Variants in PCDHA13 observed in about 807,000 individuals in gnomAD.
PCDHA13 encodes the protein protocadherin alpha 13, also known as protocadherin alpha-13.
PCDHA13 carries 54 observed loss-of-function variants against 64.8 expected under a neutral mutation model. The ratio of observed to expected loss-of-function variants is 0.83; its 90% CI spans 0.67 to 1.04. The LOEUF is 1.04. Among genes scored for constraint, PCDHA13 ranks in the 50% least tolerant of loss-of-function variants. The pLI, the probability that PCDHA13 is intolerant of heterozygous loss-of-function variation, is 0.00. For missense variants in PCDHA13, 1,248 were observed against 1,254.3 expected, an observed-to-expected ratio of 0.99 and a Z score of 0.08; for synonymous variants, 587 against 564.4, an observed-to-expected ratio of 1.04 and a Z score of -0.57.
intron 1 of PCDHA13, among the ~76,000 whole-genome samples, chr5:140,907,353 A>C (rs1312030991): frequency 3.3e-5 from 5 of 152,234 alleles, no homozygotes; most frequent in Non-Finnish European, 7.3e-5. Flanking sequence ...CCGCTGCTGC[A>C]CTTCTTTAGT....
chr5:140,896,721 T>C (rs774174943), intron 1 of PCDHA13, among the ~76,000 whole-genome samples: 1 of 152,176 alleles, frequency 6.6e-6, no homozygotes, highest in Non-Finnish European at 1.5e-5. Flanking sequence ...TGCTTGTTAA[T>C]TTGTTTAAGT....
Position 140,974,189 on chromosome 5 carries a change from G to T in PCDHA13, c.2395-4760G>T, listed in dbSNP as rs146863475. On this transcript the variant is annotated intron_variant, in intron 1 of 3. Transcript: ENST00000289272. ...AGAATTTTAACTTGACAAATGCAAA[G>T]GAATATCCAACATTGCAAAGGTAAA... Among the ~76,000 whole-genome samples the T allele has an allele frequency of 7.6e-3, 1,163 of 152,258 alleles. 4 individuals carry two copies. The highest frequency in any genetic ancestry group is 0.014 in the Middle Eastern group (4 of 294).
chr5:140,947,569 A>G (rs2094145868), intron 1 of PCDHA13, among the ~76,000 whole-genome samples: 1 of 151,666 alleles, frequency 6.6e-6, no homozygotes. Flanking sequence ...TATATTGGGA[A>G]TGTTTTTAAC....
chr5:140,991,923 C>T (rs996562269), intron 3 of PCDHA13, among the ~76,000 whole-genome samples: 1 of 152,088 alleles, frequency 6.6e-6, no homozygotes, highest in Non-Finnish European at 1.5e-5. Flanking sequence ...TGTAACATAA[C>T]ATATTCACAA....
intron 1 of PCDHA13, among the ~76,000 whole-genome samples, chr5:140,905,776 G>A (rs190550917): frequency 2.4e-3 from 372 of 152,186 alleles, no homozygotes; most frequent in Non-Finnish European, 4.1e-3. Context: ...ATTCCGAAGT[G>A]TATTAGTCAG....
chr5:140,969,276 G>T, intron 1 of PCDHA13: 1 of 1,614,202 alleles, frequency 6.2e-7, no homozygotes, highest in Non-Finnish European at 8.5e-7. Context: ...GGCCAAAGTG[G>T]TCAGAATGCT....
At chr5:140,979,900 T>A (rs1554241214) in intron 2 of PCDHA13, among the ~76,000 whole-genome samples, 4 of 152,214 alleles carry the variant, frequency 2.6e-5, no homozygotes, top group Admixed American at 6.5e-5. Context: ...CAAACTTAGA[T>A]CAGTTCGTAA....
chr5:140,910,183 A>C (rs2074920018), intron 1 of PCDHA13, among the ~76,000 whole-genome samples: 1 of 152,238 alleles, frequency 6.6e-6, no homozygotes, highest in Non-Finnish European at 1.5e-5. Context: ...TTTATAATTC[A>C]AATTAGTCTT....
chr5:140,910,519 G>A (rs187918127), intron 1 of PCDHA13, among the ~76,000 whole-genome samples: 18 of 152,218 alleles, frequency 1.2e-4, no homozygotes, highest in Non-Finnish European at 2.5e-4. Context: ...AAGGATGCAG[G>A]TACTCCCCTC....
chr5:140,953,055 T>C (rs1389436711), intron 1 of PCDHA13, among the ~76,000 whole-genome samples: 3 of 152,178 alleles, frequency 2.0e-5, no homozygotes, highest in African/African-American at 7.2e-5. Flanking sequence ...CAATCACCTC[T>C]CACAGGCCCC....
rs782451974 is a variant in PCDHA13, at chr5:141,009,822, T to A, written c.2738T>A (p.Phe913Tyr). 6.2e-7 allele frequency: 1 copy of A among 1,613,720 alleles called. No individual in the cohort carries two copies. The highest frequency in any genetic ancestry group is 2.2e-5 in the East Asian group (1 of 44,866). Residue 913 changes from phenylalanine (F) to tyrosine (Y), a missense_variant, in exon 4 of 4, where the codon TTC (phenylalanine) becomes TAC (tyrosine). Physicochemically the swap from Phe to Tyr is conservative, Grantham distance 22. Transcript: ENST00000289272. ...AACAGCCAAATTGACAAAAGTGACTTCATAACCTTCGGCAAAAAGGAGGAG... is the reference window on the plus strand; with the variant it reads ...AACAGCCAAATTGACAAAAGTGACTACATAACCTTCGGCAAAAAGGAGGAG... ...PTNSQIDKSDFITFGKKEETK... is the reference protein window; with the variant it reads ...PTNSQIDKSDYITFGKKEETK...
chr5:140,907,554 A>G (rs1554193052), intron 1 of PCDHA13, among the ~76,000 whole-genome samples: 2 of 152,224 alleles, frequency 1.3e-5, no homozygotes, highest in African/African-American at 2.4e-5. Context: ...AAGAGGTCCA[A>G]TATAATCAAC....
intron 1 of PCDHA13, among the ~76,000 whole-genome samples, chr5:140,921,611 A>C (rs781805165): frequency 6.6e-6 from 1 of 152,224 alleles, no homozygotes; most frequent in Non-Finnish European, 1.5e-5. Context: ...AATAAGAAAA[A>C]TATCATCAGA....
At chr5:140,902,038 A>G (rs900077287) in intron 1 of PCDHA13, among the ~76,000 whole-genome samples, 13 of 152,040 alleles carry the variant, frequency 8.6e-5, no homozygotes, top group African/African-American at 2.9e-4. Context: ...TAATTTTTGT[A>G]TGTTGATTTT....
At chr5:140,975,765 CAG>C (rs1179625862) in intron 1 of PCDHA13, among the ~76,000 whole-genome samples, 1 of 152,220 alleles carries the variant, frequency 6.6e-6, no homozygotes, top group Non-Finnish European at 1.5e-5. Flanking sequence ...TCATAAATCA[CAG>C]ATAATACCAT....
In PCDHA13 at chr5:141,011,865, G is replaced by A. The variant is rs372303007; in HGVS notation, c.*1928G>A. Reference sequence around the variant, plus strand: ...TAAGACATTTTAATTTTGTTATAATGTACAATTTAGAAGTTTGATTAATTA... The same window carrying A: ...TAAGACATTTTAATTTTGTTATAATATACAATTTAGAAGTTTGATTAATTA... On this transcript the variant is annotated 3_prime_UTR_variant, in exon 4 of 4. Coordinates refer to ENST00000289272, the MANE Select transcript of PCDHA13 (RefSeq NM_018904.3). 40 of 153,574 alleles carry A rather than the reference G, an allele frequency of 2.6e-4. No individual in the cohort carries two copies. The highest frequency in any genetic ancestry group is 3.4e-3 in the Middle Eastern group (1 of 294). 9.5% of individuals were successfully genotyped at this position (153,574 alleles called of 1,614,324 possible).
Position 140,882,351 on chromosome 5 carries a change from G to A in PCDHA13, c.83G>A (p.Ser28Asn). Residue 28 changes from serine to asparagine, a missense_variant, in exon 1 of 4, where the codon AGT (serine) becomes AAT (asparagine). By Grantham distance (46) the Ser-to-Asn change is conservative. Transcript: ENST00000289272. ...ATCCTCGCAGCCTGGGAGACGGGTA[G>A]TGGCCAGCTCCACTACTCCGTCCCC... is the stretch of plus-strand genomic sequence containing the variant. ...LLILAAWETG[S>N]GQLHYSVPEE... The A allele has an allele frequency of 6.2e-7, 1 of 1,614,214 alleles. No homozygotes were observed. The highest frequency in any genetic ancestry group is 2.2e-5 in the East Asian group (1 of 44,878).
chr5:140,921,030 G>C (rs1266143728), intron 1 of PCDHA13, among the ~76,000 whole-genome samples: 2 of 151,532 alleles, frequency 1.3e-5, no homozygotes, highest in Admixed American at 6.6e-5. Context: ...TCTAGACTGG[G>C]GTGCAGTGGG....
chr5:140,996,636 T>G (rs561950169), intron 3 of PCDHA13, among the ~76,000 whole-genome samples: 17 of 152,346 alleles, frequency 1.1e-4, no homozygotes, highest in Middle Eastern at 6.8e-3. Context: ...CTGCAAATTA[T>G]GTAGTTAATC....
Sources: gnomAD v4.1 joint callset for allele counts (sites outside exome capture counted in the v4.1 genomes callset) on GRCh38, gnomAD v4.1.1 for gene constraint, MANE v1.5 for transcripts, NCBI Gene and HGNC (gene_info 2026-07-23, HGNC 2026-07-21) for gene names.